NKAIN2: variants seen among roughly 807,000 people sequenced by gnomAD.
NKAIN2 encodes the protein sodium/potassium-transporting ATPase subunit beta-1-interacting protein 2.
NKAIN2 carries 14 observed loss-of-function variants against 32.6 expected under a neutral mutation model. The observed-to-expected ratio is 0.43, with a 90% CI of 0.28 to 0.67. The LOEUF (loss-of-function observed/expected upper bound fraction) is 0.67. Among genes scored for constraint, NKAIN2 ranks in the 30% least tolerant of loss-of-function variants. The pLI is 0.17. For synonymous variants in NKAIN2, 80 were observed against 87.2 expected (o/e 0.92, Z 0.46); for missense variants, 198 against 258.3 (o/e 0.77, Z 1.60).
intron 4 of NKAIN2, among the ~76,000 whole-genome samples, chr6:124,780,231 G>T (rs979138825): frequency 6.6e-6 from 1 of 152,120 alleles, no homozygotes; most frequent in Non-Finnish European, 1.5e-5. Flanking sequence ...ACTTTCGGGG[G>T]TAGTAGAAAT....
intron 1 of NKAIN2, among the ~76,000 whole-genome samples, chr6:124,263,026 A>G (rs1310271043): frequency 1.3e-5 from 2 of 152,176 alleles, no homozygotes; most frequent in Non-Finnish European, 1.5e-5. Flanking sequence ...ACAAATAGTA[A>G]CCATTTAGTA....
At chr6:124,710,230 T>C (rs895308046) in intron 4 of NKAIN2, among the ~76,000 whole-genome samples, 1 of 152,098 alleles carries the variant, frequency 6.6e-6, no homozygotes, top group Non-Finnish European at 1.5e-5. Context: ...TTACATTTGC[T>C]GAGGAGAGCT....
At chr6:124,639,418 G>A (rs1209941060) in intron 3 of NKAIN2, among the ~76,000 whole-genome samples, 1 of 152,130 alleles carries the variant, frequency 6.6e-6, no homozygotes, top group African/African-American at 2.4e-5. Context: ...GGAGGCCAAC[G>A]TGTGTGGGAG....
rs751816893 is a variant in NKAIN2, at chr6:124,825,357, A to T, written c.*2128A>T. On this transcript the variant is annotated 3_prime_UTR_variant, in exon 7 of 7. Coordinates refer to ENST00000368417, the MANE Select transcript of NKAIN2 (RefSeq NM_001040214.3). ...AAACAGTAGTTGACTACTAAAAAGT[A>T]ATCAGTGGACAGGTCATTTATGGGA... 1 of 152,626 alleles carries T rather than the reference A, an allele frequency of 6.6e-6. No individual in the cohort carries two copies. Among genetic ancestry groups the T allele is most frequent in the Non-Finnish European group, 1.5e-5 (1 of 68,028 alleles). 9.5% of individuals were successfully genotyped at this position (152,626 alleles called of 1,614,324 possible). A position where few individuals can be genotyped will look rare whatever the true frequency, so the allele number is the denominator to read the frequency against.
chr6:123,937,562 ATTAC>A (rs1776577188), intron 1 of NKAIN2, among the ~76,000 whole-genome samples: 1 of 152,144 alleles, frequency 6.6e-6, no homozygotes, highest in African/African-American at 2.4e-5. Flanking sequence ...TTGCTTCATC[ATTAC>A]TTACGGATCA....
intron 1 of NKAIN2, among the ~76,000 whole-genome samples, chr6:124,188,756 A>T (rs1309374762): frequency 6.6e-6 from 1 of 152,150 alleles, no homozygotes; most frequent in African/African-American, 2.4e-5. Context: ...TGTGGAGCCT[A>T]TTGGTCAATA....
intron 1 of NKAIN2, among the ~76,000 whole-genome samples, chr6:124,107,334 A>G (rs1040173274): frequency 1.3e-5 from 2 of 152,176 alleles, no homozygotes; most frequent in Admixed American, 6.5e-5. Context: ...AGATGGTGTG[A>G]TTCTAGTTGA....
chr6:124,539,559 A>G (rs541922839), intron 3 of NKAIN2, among the ~76,000 whole-genome samples: 60 of 152,328 alleles, frequency 3.9e-4, no homozygotes, highest in African/African-American at 1.3e-3. Context: ...ATTACTATAA[A>G]TAAAAACCTC....
At chr6:124,581,296 A>G (rs890304169) in intron 3 of NKAIN2, among the ~76,000 whole-genome samples, 3 of 151,188 alleles carry the variant, frequency 2.0e-5, no homozygotes, top group Middle Eastern at 3.2e-3. Context: ...AAAATTAGCC[A>G]GGCGCGGTGG....
chr6:123,854,683 A>G (rs956633563), intron 1 of NKAIN2, among the ~76,000 whole-genome samples: 2 of 152,146 alleles, frequency 1.3e-5, no homozygotes, highest in Non-Finnish European at 2.9e-5. Flanking sequence ...TAGAGTACAT[A>G]AGTAACTTGT....
At chr6:124,457,849 T>C (rs2114639233) in intron 3 of NKAIN2, among the ~76,000 whole-genome samples, 1 of 152,082 alleles carries the variant, frequency 6.6e-6, no homozygotes, top group South Asian at 2.1e-4. Context: ...CTCTGTAGTG[T>C]GTTGGGAGCA....
chr6:123,963,414 A>C (rs1777939400), intron 1 of NKAIN2, among the ~76,000 whole-genome samples: 1 of 152,122 alleles, frequency 6.6e-6, no homozygotes, highest in Non-Finnish European at 1.5e-5. Context: ...TATTACAGGG[A>C]AGTGTTGAGA....
At chr6:124,439,268 A>G (rs1775589164) in intron 3 of NKAIN2, among the ~76,000 whole-genome samples, 1 of 152,056 alleles carries the variant, frequency 6.6e-6, no homozygotes, top group South Asian at 2.1e-4. Flanking sequence ...AACCAGAGTC[A>G]CTTTTTACTC....
intron 1 of NKAIN2, among the ~76,000 whole-genome samples, chr6:124,233,017 G>C (rs1792539669): frequency 6.6e-6 from 1 of 152,130 alleles, no homozygotes; most frequent in Non-Finnish European, 1.5e-5. Context: ...CAGTAGGAAA[G>C]GAGAGAATTC....
intron 1 of NKAIN2, among the ~76,000 whole-genome samples, chr6:124,140,222 GTT>G (rs1389703469): frequency 6.6e-6 from 1 of 152,000 alleles, no homozygotes; most frequent in East Asian, 1.9e-4. Context: ...TGTTGCTATG[GTT>G]TCACATATAG....
At chr6:124,682,305 T>G (rs1244245765) in intron 4 of NKAIN2, among the ~76,000 whole-genome samples, 1 of 152,104 alleles carries the variant, frequency 6.6e-6, no homozygotes, top group East Asian at 1.9e-4. Flanking sequence ...AGGATGACCT[T>G]GTAGTCATAA....
At chr6:124,431,308 C>T (rs332628) in intron 3 of NKAIN2, among the ~76,000 whole-genome samples, 22,185 of 152,038 alleles carry the variant, frequency 0.15, 2,002 homozygotes, top group East Asian at 0.24. Flanking sequence ...TCTATTTATG[C>T]CTTATTTTCC....
chr6:123,875,587 G>A (rs1419695360), intron 1 of NKAIN2, among the ~76,000 whole-genome samples: 1 of 151,656 alleles, frequency 6.6e-6, no homozygotes, highest in Non-Finnish European at 1.5e-5. Context: ...TTTTCTAATC[G>A]GACTTTTCTT....
At chr6:123,989,284 G>C (rs1262016379) in intron 1 of NKAIN2, among the ~76,000 whole-genome samples, 1 of 152,080 alleles carries the variant, frequency 6.6e-6, no homozygotes, top group Non-Finnish European at 1.5e-5. Flanking sequence ...TTTCAGAGAG[G>C]CCTAATTGAG....
Sources: gnomAD v4.1 joint callset for allele counts (sites outside exome capture counted in the v4.1 genomes callset) on GRCh38, gnomAD v4.1.1 for gene constraint, MANE v1.5 for transcripts, NCBI Gene and HGNC (gene_info 2026-07-23, HGNC 2026-07-21) for gene names.